Variants in CCDC88A observed in about 807,000 individuals in gnomAD.
CCDC88A encodes the protein girdin.
CCDC88A carries 54 observed loss-of-function variants against 234.3 expected under a neutral mutation model. That is an observed-to-expected ratio of 0.23 (90% confidence interval 0.19 to 0.29). The LOEUF is 0.29. CCDC88A is among the 10% of genes least tolerant of loss of function. The pLI, the probability that CCDC88A is intolerant of heterozygous loss-of-function variation, is 1.00. For missense variants in CCDC88A, 1,832 were observed against 2,123.4 expected (o/e 0.86, Z 2.70); for synonymous variants, 753 against 737.8 (o/e 1.02, Z -0.33).
chr2:55,358,960 T>C (rs978452866), intron 7 of CCDC88A, among the ~76,000 whole-genome samples: 7 of 152,156 alleles, frequency 4.6e-5, no homozygotes, highest in African/African-American at 1.7e-4. Context: ...CTTTTATTTG[T>C]GTATTTTCTT....
intron 2 of CCDC88A, among the ~76,000 whole-genome samples, chr2:55,399,058 G>A (rs942340938): frequency 6.6e-6 from 1 of 152,034 alleles, no homozygotes; most frequent in Admixed American, 6.6e-5. Context: ...AACTAAACCT[G>A]TGTTAACTAT....
chr2:55,307,062 G>C (rs894219315), intron 25 of CCDC88A, among the ~76,000 whole-genome samples: 23 of 109,292 alleles, frequency 2.1e-4, no homozygotes, highest in Non-Finnish European at 3.2e-4. Context: ...GAATGTGTCT[G>C]TGTGTGTGTG....
In CCDC88A at chr2:55,332,617, A is replaced by G. The variant is rs1269381935; in HGVS notation, c.2804T>C (p.Ile935Thr). 6.2e-7 allele frequency: 1 copy of G among 1,613,538 alleles called. No homozygotes were observed. ...TAAGAGTCGCTCCTTATTTAACCCT[A>G]TCTTCTCAAGCTCATGAGTTAATTT... ...LEKLTHELEK[I>T]GLNKERLLHD... is the part of the protein sequence containing the mutation. The change falls in exon 16 of 33, where the codon ATA (isoleucine) becomes ACA (threonine). Residue 935 changes from isoleucine (I) to threonine (T), a missense_variant. Coordinates refer to ENST00000436346, the MANE Select transcript of CCDC88A (RefSeq NM_001365480.1). The surrounding 1 kb of genome is among the most constrained non-coding windows in gnomAD (Gnocchi z 4.5).
At position 55,407,843 on chromosome 2, in the gene CCDC88A, G is replaced by A. The variant is rs569698808; in HGVS notation, c.164+10973C>T. 1.9e-3 allele frequency among the ~76,000 whole-genome samples: 287 copies of A among 147,734 alleles called. 2 individuals carry two copies. Among genetic ancestry groups the A allele is most frequent in the Middle Eastern group, 3.5e-3 (1 of 286 alleles). ...AGGAACTCTCCTGCCTCTGCCTCCC[G>A]TGTAGCTGGGATTACAGGCACCCAC... On this transcript the variant is annotated intron_variant, in intron 2 of 32. Transcript: ENST00000436346.
chr2:55,392,675 G>C (rs2104908184), intron 2 of CCDC88A, among the ~76,000 whole-genome samples: 1 of 152,308 alleles, frequency 6.6e-6, no homozygotes. Flanking sequence ...TAGCAACCAT[G>C]CTAACCTTTC....
chr2:55,292,444 T>C (rs1395670822), intron 31 of CCDC88A: 1 of 152,192 alleles, frequency 6.6e-6, no homozygotes, highest in Non-Finnish European at 1.5e-5. Flanking sequence ...TTTTTAAAAT[T>C]TGGGGCATCT....
chr2:55,370,975 C>G (rs911470995), intron 5 of CCDC88A, among the ~76,000 whole-genome samples: 1 of 152,038 alleles, frequency 6.6e-6, no homozygotes, highest in South Asian at 2.1e-4. Context: ...GATCATGACA[C>G]TGCACTCCTG....
At chr2:55,295,549 T>A (rs1177355865) in intron 31 of CCDC88A, 48 bp downstream of exon 31, 2 of 1,613,912 alleles carry the variant, frequency 1.2e-6, no homozygotes, top group Non-Finnish European at 1.7e-6. Flanking sequence ...ATAGTATGTG[T>A]TGGGATGTCA....
Position 55,297,380 on chromosome 2 carries a change from TA to T in CCDC88A, c.4826-858del, listed in dbSNP as rs1348599786. ...AAATATATATAATATATATTATATA[TA>T]AATATATATTATATATAAATATACA... On this transcript the variant is annotated intron_variant, in intron 29 of 32. Transcript: ENST00000436346. Among the ~76,000 whole-genome samples, 381 of 101,766 alleles carry T rather than the reference TA, an allele frequency of 3.7e-3. 12 individuals are homozygous for T. Among genetic ancestry groups the T allele is most frequent in the African/African-American group, 0.018 (360 of 19,820 alleles). 66.8% of individuals were successfully genotyped at this position (101,766 alleles called of 152,430 possible).
Position 55,334,509 on chromosome 2 carries a change from G to T in CCDC88A, c.2312C>A (p.Thr771Asn), listed in dbSNP as rs1436828786. The change falls in exon 15 of 33, where the codon ACT becomes AAT. Residue 771 changes from threonine to asparagine, a missense_variant. By Grantham distance (65) the Thr-to-Asn change is moderately conservative. Coordinates refer to ENST00000436346, the MANE Select transcript of CCDC88A (RefSeq NM_001365480.1). The surrounding 1 kb of genome is among the most constrained non-coding windows in gnomAD (Gnocchi z 6.1). ...GATTTTTTTATTGCTGTTCTCTAAA[G>T]TTTTTTGCAGTCTTTGATTTTCTAT... Reference protein sequence around the residue: ...LDIENQRLQKTLENSNKKIQQ... With the variant: ...LDIENQRLQKNLENSNKKIQQ... 1 of 1,609,240 alleles carries T rather than the reference G, an allele frequency of 6.2e-7. No individual in the cohort carries two copies. Among genetic ancestry groups the T allele is most frequent in the Admixed American group, 1.7e-5 (1 of 59,370 alleles).
intron 13 of CCDC88A, chr2:55,339,203 T>A (rs1384165484): frequency 3.4e-6 from 1 of 298,050 alleles, no homozygotes; most frequent in African/African-American, 2.2e-5. Flanking sequence ...AGGTTATCCA[T>A]CTGCCTTGGC....
At chr2:55,294,559 C>T in intron 31 of CCDC88A, 2 of 983,144 alleles carry the variant, frequency 2.0e-6, no homozygotes, top group Non-Finnish European at 1.2e-6. Context: ...CATCTTTTTA[C>T]ATTTTCCCTA....
At chr2:55,383,564 A>G (rs1353011833) in intron 3 of CCDC88A, among the ~76,000 whole-genome samples, 1 of 151,724 alleles carries the variant, frequency 6.6e-6, no homozygotes, top group Non-Finnish European at 1.5e-5. Context: ...CGGAGGTTGC[A>G]GTGAGTCAAG....
intron 8 of CCDC88A, 29 bp from the exon 9 acceptor site, chr2:55,349,628 A>G (rs368160470): frequency 1.1e-5 from 17 of 1,506,330 alleles, no homozygotes; most frequent in Non-Finnish European, 1.6e-5. Flanking sequence ...TTCATTAAGT[A>G]TACTATTTTT....
intron 2 of CCDC88A, chr2:55,405,559 A>AAGCCCAGGG: frequency 6.6e-6 from 1 of 152,302 alleles, no homozygotes; most frequent in East Asian, 1.9e-4. Flanking sequence ...CAGGGTCCCC[A>AAGCCCAGGG]ACCCCTGGGC....
chr2:55,361,475 A>T (rs1457917704), intron 7 of CCDC88A, among the ~76,000 whole-genome samples: 1 of 152,224 alleles, frequency 6.6e-6, no homozygotes, highest in Non-Finnish European at 1.5e-5. Context: ...AATTCACATC[A>T]GAACTGACTA....
intron 3 of CCDC88A, among the ~76,000 whole-genome samples, chr2:55,377,958 A>C (rs894604822): frequency 4.6e-5 from 7 of 152,164 alleles, no homozygotes; most frequent in African/African-American, 1.7e-4. Flanking sequence ...CTTTATCTTA[A>C]AGATGTTAGA....
At chr2:55,299,337 A>T (rs1680606529) in intron 29 of CCDC88A, among the ~76,000 whole-genome samples, 1 of 152,224 alleles carries the variant, frequency 6.6e-6, no homozygotes, top group African/African-American at 2.4e-5. Context: ...AAGAAAAAAA[A>T]TCTTGAAATA....
At chr2:55,351,978 C>A (rs1042818174) in intron 8 of CCDC88A, among the ~76,000 whole-genome samples, 2 of 152,050 alleles carry the variant, frequency 1.3e-5, no homozygotes, top group African/African-American at 4.8e-5. Context: ...ACAAAAGGCA[C>A]GTATTGTATG....
Sources: gnomAD v4.1 joint callset for allele counts (sites outside exome capture counted in the v4.1 genomes callset) on GRCh38, gnomAD v4.1.1 for gene constraint, Gnocchi (gnomAD v3.1) non-coding constraint, MANE v1.5 for transcripts, NCBI Gene and HGNC (gene_info 2026-07-23, HGNC 2026-07-21) for gene names.